Variants in PHF21A observed in about 807,000 individuals in gnomAD.
PHF21A encodes the protein PHD finger protein 21A.
A neutral mutation model predicts 82.5 loss-of-function variants in PHF21A; 11 were observed. That is an observed-to-expected ratio of 0.13 (90% CI 0.08 to 0.22). The LOEUF (loss-of-function observed/expected upper bound fraction) is 0.22. Ranked by LOEUF, PHF21A falls within the 10% of genes least tolerant of loss-of-function variation. The pLI is 1.00. For synonymous variants in PHF21A, 297 were observed against 302.8 expected (o/e 0.98, Z 0.20); for missense variants, 579 against 837.8 (o/e 0.69, Z 3.81).
intron 6 of PHF21A, among the ~76,000 whole-genome samples, chr11:46,030,026 A>G (rs1454727617): frequency 6.6e-6 from 1 of 152,244 alleles, no homozygotes; most frequent in African/African-American, 2.4e-5. Context: ...TAAGTGTATT[A>G]CGCTCTGTAC....
chr11:46,112,191 A>AAGGACAT (rs2136040293), intron 1 of PHF21A, among the ~76,000 whole-genome samples: 1 of 152,356 alleles, frequency 6.6e-6, no homozygotes, highest in East Asian at 1.9e-4. Context: ...ACTGAGGTGC[A>AAGGACAT]AGGACATTTT....
chr11:46,048,685 G>A (rs1056895675), intron 6 of PHF21A, among the ~76,000 whole-genome samples: 10 of 152,030 alleles, frequency 6.6e-5, no homozygotes, highest in Non-Finnish European at 1.0e-4. Context: ...CAGGAGAATC[G>A]CTTGAACCCG....
intron 1 of PHF21A, among the ~76,000 whole-genome samples, chr11:46,113,780 C>T (rs986178870): frequency 1.3e-5 from 2 of 149,032 alleles, no homozygotes; most frequent in African/African-American, 5.0e-5. Flanking sequence ...GAGCTAATAT[C>T]GCACCACTGC....
At chr11:46,015,154 T>C (rs2095492424) in intron 6 of PHF21A, among the ~76,000 whole-genome samples, 1 of 152,170 alleles carries the variant, frequency 6.6e-6, no homozygotes, top group Non-Finnish European at 1.5e-5. Context: ...CCTTCAAAAG[T>C]GTCTGTTCAT....
At chr11:45,939,993 A>C (rs1490467043) in intron 15 of PHF21A, among the ~76,000 whole-genome samples, 1 of 151,996 alleles carries the variant, frequency 6.6e-6, no homozygotes, top group Non-Finnish European at 1.5e-5. Flanking sequence ...TGTGCACAAG[A>C]AGCAATAATA....
At chr11:46,032,714 T>A (rs554048459) in intron 6 of PHF21A, among the ~76,000 whole-genome samples, 1 of 152,308 alleles carries the variant, frequency 6.6e-6, no homozygotes, top group East Asian at 1.9e-4. Flanking sequence ...CTCTTACAAG[T>A]ACACAGACTT....
chr11:45,945,638 T>C (rs1004346437), intron 15 of PHF21A, among the ~76,000 whole-genome samples: 1 of 152,120 alleles, frequency 6.6e-6, no homozygotes. Flanking sequence ...TGAGGTTATA[T>C]TTAACATGTT....
intron 18 of PHF21A, 73 bp downstream of exon 18, chr11:45,935,563 C>A: frequency 1.2e-6 from 1 of 836,046 alleles, no homozygotes; most frequent in Admixed American, 2.0e-5. Context: ...CCCACACGTA[C>A]TGTTACGTAT....
chr11:46,026,441 C>A (rs746367986), intron 6 of PHF21A, among the ~76,000 whole-genome samples: 2 of 152,096 alleles, frequency 1.3e-5, no homozygotes, highest in African/African-American at 2.4e-5. Flanking sequence ...AAACAGGTGT[C>A]AAGGTTATTT....
At chr11:45,979,639 A>G (rs1439915324) in intron 7 of PHF21A, 121 bp downstream of exon 7, 2 of 1,396,624 alleles carry the variant, frequency 1.4e-6, no homozygotes, top group Middle Eastern at 2.6e-4. Context: ...AAAGCAATCA[A>G]AATAACTTTT....
intron 6 of PHF21A, among the ~76,000 whole-genome samples, chr11:46,037,625 A>G (rs1180339449): frequency 3.1e-4 from 42 of 135,504 alleles, no homozygotes; most frequent in Non-Finnish European, 6.2e-5. Context: ...CCTGGACAAG[A>G]GTGAAACGTC....
At chr11:46,080,671 G>GT (rs1408021273) in intron 4 of PHF21A, among the ~76,000 whole-genome samples, 3 of 151,556 alleles carry the variant, frequency 2.0e-5, no homozygotes, top group Admixed American at 6.6e-5. Context: ...TTCTTTTTTT[G>GT]TTTTTTGTTT....
intron 13 of PHF21A, 84 bp downstream of exon 13, chr11:45,949,318 A>G: frequency 1.8e-6 from 2 of 1,104,746 alleles, no homozygotes; most frequent in Non-Finnish European, 2.8e-6. Flanking sequence ...GCTGCTCTTC[A>G]GCAGGTTTTC....
intron 11 of PHF21A, 48 bp from the exon 12 acceptor site, chr11:45,950,305 C>A: frequency 6.4e-7 from 1 of 1,551,438 alleles, no homozygotes; most frequent in Admixed American, 1.7e-5. Context: ...TGGGTTCTCA[C>A]AAAGCCAATT....
chr11:46,035,206 A>C (rs1360444530), intron 6 of PHF21A, among the ~76,000 whole-genome samples: 1 of 152,228 alleles, frequency 6.6e-6, no homozygotes, highest in Non-Finnish European at 1.5e-5. Context: ...TAGGAGCCTC[A>C]CTTGATATTT....
At chr11:45,993,744 T>C (rs903039762) in intron 6 of PHF21A, among the ~76,000 whole-genome samples, 6 of 151,032 alleles carry the variant, frequency 4.0e-5, no homozygotes, top group East Asian at 2.0e-4. Flanking sequence ...TCCAAGGAAG[T>C]AGAGTAACCT....
chr11:46,108,661 C>T (rs1198032291), intron 1 of PHF21A, among the ~76,000 whole-genome samples: 1 of 151,220 alleles, frequency 6.6e-6, no homozygotes, highest in South Asian at 2.1e-4. Flanking sequence ...CTACTTTATA[C>T]GTATCTATAT....
intron 6 of PHF21A, among the ~76,000 whole-genome samples, chr11:46,034,511 AC>A (rs1356005557): frequency 6.6e-6 from 1 of 152,156 alleles, no homozygotes; most frequent in Non-Finnish European, 1.5e-5. Context: ...GAACAAAAAA[AC>A]TGTTTTCTTT....
chr11:45,947,499 A>G (rs1375373112), intron 14 of PHF21A, among the ~76,000 whole-genome samples: 2 of 152,216 alleles, frequency 1.3e-5, no homozygotes, highest in Admixed American at 6.5e-5. Context: ...ACAAAGACAG[A>G]TCGTACTGGT....
Sources: allele counts gnomAD v4.1 joint callset (sites outside exome capture counted in the v4.1 genomes callset), GRCh38; gene constraint gnomAD v4.1.1; transcripts MANE v1.5; gene names NCBI Gene and HGNC (gene_info 2026-07-23, HGNC 2026-07-21).